Variants in NRXN3 observed in about 807,000 individuals in gnomAD.
NRXN3 encodes neurexin III.
In NRXN3, 32 loss-of-function variants were observed where a neutral mutation model predicts 137.6. The observed-to-expected ratio is 0.23, with a 90% CI of 0.18 to 0.31. The LOEUF (loss-of-function observed/expected upper bound fraction) is 0.31, where lower values mean the gene tolerates loss of function less well. Ranked by LOEUF, NRXN3 falls within the 10% of genes least tolerant of loss-of-function variation. The pLI, the probability that NRXN3 is intolerant of heterozygous loss-of-function variation, is 1.00. For missense variants in NRXN3, 1,574 were observed against 2,062.5 expected, an observed-to-expected ratio of 0.76 and a Z score of 4.59; for synonymous variants, 798 against 784.5, an observed-to-expected ratio of 1.02 and a Z score of -0.29.
intron 15 of NRXN3, among the ~76,000 whole-genome samples, chr14:79,414,290 T>G (rs1412456817): frequency 2.0e-5 from 3 of 152,170 alleles, no homozygotes; most frequent in African/African-American, 7.2e-5. Context: ...CATCCTAACA[T>G]TATGCCATCT....
chr14:79,560,796 C>T (rs1258386252), intron 16 of NRXN3, among the ~76,000 whole-genome samples: 1 of 152,026 alleles, frequency 6.6e-6, no homozygotes, highest in East Asian at 1.9e-4. Context: ...CTGCCTTGCC[C>T]TCCCAAAGTG....
intron 11 of NRXN3, among the ~76,000 whole-genome samples, chr14:78,959,880 A>G (rs17108418): frequency 0.12 from 18,933 of 152,058 alleles, 1,426 homozygotes; most frequent in African/African-American, 0.18. Context: ...AAAAGCAGCC[A>G]CTAGATGGCG....
intron 15 of NRXN3, among the ~76,000 whole-genome samples, chr14:79,352,517 G>A (rs992872128): frequency 6.6e-6 from 1 of 152,100 alleles, no homozygotes; most frequent in African/African-American, 2.4e-5. Flanking sequence ...TATATAGTAT[G>A]TGGAGGCATT....
intron 10 of NRXN3, among the ~76,000 whole-genome samples, chr14:78,928,014 G>A (rs1435573740): frequency 6.6e-6 from 1 of 152,166 alleles, no homozygotes; most frequent in African/African-American, 2.4e-5. Flanking sequence ...CAGCTTCCTT[G>A]TCCCTTGGAG....
chr14:79,111,313 A>G (rs1247597395), intron 15 of NRXN3, among the ~76,000 whole-genome samples: 2 of 151,994 alleles, frequency 1.3e-5, no homozygotes, highest in Non-Finnish European at 2.9e-5. Context: ...AATCTCAAAT[A>G]CTCACTGTCC....
At position 78,371,307 on chromosome 14, in the gene NRXN3, C is replaced by A. The variant is rs1415199540; in HGVS notation, c.757+73447C>A. ...AGACGTGGCTTAGCTTCAGATGGCA[C>A]AACTTCGGAGAGGAGCTCAGCAGTC... On this transcript the variant is annotated intron_variant, in intron 4 of 20. Coordinates refer to ENST00000335750, the MANE Select transcript of NRXN3 (RefSeq NM_001330195.2). 2.0e-5 allele frequency among the ~76,000 whole-genome samples: 3 copies of A among 152,188 alleles called. No homozygotes were observed. The East Asian group carries it at 5.8e-4, about 29-fold the overall frequency.
Position 78,788,115 on chromosome 14 carries a change from G to A in NRXN3, c.2045-15505G>A, listed in dbSNP as rs115796404. Among the ~76,000 whole-genome samples the A allele has an allele frequency of 1.3e-3, 200 of 152,244 alleles. 1 individual carries two copies. Among genetic ancestry groups the A allele is most frequent in the African/African-American group, 4.6e-3 (189 of 41,536 alleles). Reference sequence around the variant, plus strand: ...AGTAAGGTCCCACGGTTGCATGCCCGTGAGTAGTGGAGCTGGGACCTCCTA... The same window carrying A: ...AGTAAGGTCCCACGGTTGCATGCCCATGAGTAGTGGAGCTGGGACCTCCTA... On this transcript the variant is annotated intron_variant, in intron 8 of 20. Transcript: ENST00000335750.
At chr14:78,257,318 T>G (rs899612269) in intron 2 of NRXN3, among the ~76,000 whole-genome samples, 1 of 152,384 alleles carries the variant, frequency 6.6e-6, no homozygotes, top group South Asian at 2.1e-4. Flanking sequence ...ATTCACTACA[T>G]GGATATCTGT....
rs112960428 is a variant in NRXN3 at position 79,422,246 on chromosome 14, A to G, written c.3263-44975A>G. Among the ~76,000 whole-genome samples the G allele has an allele frequency of 1.4e-3, 209 of 151,828 alleles. 1 individual carries two copies. The highest frequency in any genetic ancestry group is 2.4e-3 in the Non-Finnish European group (166 of 67,930). ...GCAATTTTTTTTTTGTCTTTTTTGT[A>G]GAGATGGAGGTCTCACCATGTTGCC... On this transcript the variant is annotated intron_variant, in intron 15 of 20. Coordinates refer to ENST00000335750, the MANE Select transcript of NRXN3 (RefSeq NM_001330195.2).
intron 15 of NRXN3, among the ~76,000 whole-genome samples, chr14:79,061,812 C>T (rs980172390): frequency 1.3e-5 from 2 of 152,204 alleles, no homozygotes; most frequent in African/African-American, 2.4e-5. Flanking sequence ...TGCCCCTCCC[C>T]ATCCCGGCCC....
At chr14:79,015,087 C>T (rs561535924) in intron 15 of NRXN3, among the ~76,000 whole-genome samples, 1 of 152,236 alleles carries the variant, frequency 6.6e-6, no homozygotes, top group South Asian at 2.1e-4. Context: ...CTCTTGGTGA[C>T]AGATGTTCCT....
intron 16 of NRXN3, among the ~76,000 whole-genome samples, chr14:79,558,723 A>G (rs2153771280): frequency 6.6e-6 from 1 of 152,254 alleles, no homozygotes; most frequent in South Asian, 2.1e-4. Flanking sequence ...GGGAATGGCA[A>G]ATGAGCATTG....
intron 4 of NRXN3, among the ~76,000 whole-genome samples, chr14:78,508,279 A>G (rs2096035010): frequency 6.6e-6 from 1 of 152,220 alleles, no homozygotes; most frequent in African/African-American, 2.4e-5. Flanking sequence ...GATGTATCGC[A>G]TACAAGTTAG....
At chr14:79,611,126 T>A (rs2098093370) in intron 16 of NRXN3, among the ~76,000 whole-genome samples, 1 of 152,166 alleles carries the variant, frequency 6.6e-6, no homozygotes, top group Admixed American at 6.5e-5. Flanking sequence ...ACTATATTTT[T>A]CTATCTTTTA....
chr14:78,615,226 A>G (rs533770276), intron 4 of NRXN3, among the ~76,000 whole-genome samples: 82 of 152,252 alleles, frequency 5.4e-4, no homozygotes, highest in African/African-American at 1.9e-3. Flanking sequence ...CCAAGCAGCT[A>G]CTTTTAGCTG....
chr14:78,452,667 A>G (rs1241254094), intron 4 of NRXN3, among the ~76,000 whole-genome samples: 1 of 152,370 alleles, frequency 6.6e-6, no homozygotes, highest in East Asian at 1.9e-4. Flanking sequence ...TAATTAAACT[A>G]GTTCCTGAAA....
At chr14:78,543,543 C>T (rs942187307) in intron 4 of NRXN3, among the ~76,000 whole-genome samples, 2 of 152,006 alleles carry the variant, frequency 1.3e-5, no homozygotes, top group Admixed American at 1.3e-4. Context: ...ATAAGCATAG[C>T]ATCTCTCTTG....
intron 17 of NRXN3, among the ~76,000 whole-genome samples, chr14:79,684,421 A>G (rs1225846333): frequency 6.6e-6 from 1 of 152,132 alleles, no homozygotes; most frequent in Non-Finnish European, 1.5e-5. Context: ...TAGAACAGTG[A>G]TTGTTACTTT....
chr14:78,358,741 G>C (rs2153602815), intron 4 of NRXN3, among the ~76,000 whole-genome samples: 1 of 152,246 alleles, frequency 6.6e-6, no homozygotes, highest in Non-Finnish European at 1.5e-5. Flanking sequence ...CTTTGGGCTT[G>C]GTGACAGTCA....
Sources: allele counts gnomAD v4.1 joint callset (sites outside exome capture counted in the v4.1 genomes callset), GRCh38; gene constraint gnomAD v4.1.1; transcripts MANE v1.5; gene names NCBI Gene and HGNC (gene_info 2026-07-23, HGNC 2026-07-21).